SPMAP2: variants seen among roughly 807,000 people sequenced by gnomAD.
SPMAP2 encodes the protein Theg homolog.
chr19:370,969 T>C, the SPMAP2 span, among the ~76,000 whole-genome samples: 8 of 152,138 alleles, frequency 5.3e-5, no homozygotes, highest in African/African-American at 1.9e-4. Context: ...CTGTTCTAAT[T>C]CCTGAGTGTG....
At chr19:371,001 C>A in the SPMAP2 span, among the ~76,000 whole-genome samples, 5,596 of 152,286 alleles carry the variant, frequency 0.037, 166 homozygotes, top group Admixed American at 0.074. Flanking sequence ...TTGGGATCCA[C>A]CCGGACTGAA....
the SPMAP2 span, among the ~76,000 whole-genome samples, chr19:375,304 TC>T: frequency 7.3e-5 from 11 of 151,506 alleles, no homozygotes; most frequent in African/African-American, 2.4e-4. Flanking sequence ...GCTTTTTTTT[TC>T]CCATTTCTTA....
At chr19:373,589 A>C in the SPMAP2 span, 1 of 1,564,592 alleles carries the variant, frequency 6.4e-7, no homozygotes. Context: ...CCTGCCCGGA[A>C]ACAAGCCTGG....
At chr19:375,798 T>G in the SPMAP2 span, 1 of 1,610,200 alleles carries the variant, frequency 6.2e-7, no homozygotes, top group Non-Finnish European at 8.5e-7. Context: ...TTCTGGGTCT[T>G]CTGGTCCCAG....
the SPMAP2 span, among the ~76,000 whole-genome samples, chr19:369,676 G>A: frequency 6.6e-6 from 1 of 152,176 alleles, no homozygotes; most frequent in Non-Finnish European, 1.5e-5. Flanking sequence ...TGGTGCAGGC[G>A]GGCTGAGTCC....
the SPMAP2 span, chr19:367,209 T>C: frequency 6.3e-7 from 1 of 1,599,094 alleles, no homozygotes; most frequent in Non-Finnish European, 8.5e-7. Flanking sequence ...TGGGCTGCCC[T>C]GGATACCTGG....
chr19:373,546 C>T, the SPMAP2 span: 116 of 1,612,028 alleles, frequency 7.2e-5, no homozygotes, highest in African/African-American at 6.4e-4. Flanking sequence ...AATAAGCGGA[C>T]GGCTCAGGGC....
chr19:373,450 C>G, the SPMAP2 span: 4 of 1,612,306 alleles, frequency 2.5e-6, no homozygotes, highest in Non-Finnish European at 3.4e-6. Flanking sequence ...GGGGTCTCAG[C>G]AGGCACGGGC....
the SPMAP2 span, chr19:367,070 A>G: frequency 2.5e-6 from 4 of 1,613,002 alleles, no homozygotes; most frequent in Non-Finnish European, 3.4e-6. Flanking sequence ...CTTACTGGCC[A>G]AGTGAAGGAG....
the SPMAP2 span, among the ~76,000 whole-genome samples, chr19:372,036 T>A: frequency 1.3e-5 from 2 of 152,346 alleles, no homozygotes; most frequent in East Asian, 1.9e-4. Context: ...GGTCACAGTA[T>A]GATTTGGCGT....
the SPMAP2 span, among the ~76,000 whole-genome samples, chr19:375,139 G>A: frequency 1.3e-4 from 20 of 152,156 alleles, no homozygotes; most frequent in Admixed American, 2.6e-4. Context: ...TAGAGTGCGC[G>A]CCTTGCTGGG....
chr19:370,574 T>C, the SPMAP2 span, among the ~76,000 whole-genome samples: 1 of 151,318 alleles, frequency 6.6e-6, no homozygotes, highest in Non-Finnish European at 1.5e-5. Context: ...ATGGTCTCGA[T>C]CTGCTGACCT....
At chr19:373,408 G>T in the SPMAP2 span, 1 of 1,532,424 alleles carries the variant, frequency 6.5e-7, no homozygotes, top group Non-Finnish European at 9.0e-7. Context: ...ATGGGGCGGG[G>T]CAGGTTCCCT....
chr19:374,425 T>C, the SPMAP2 span: 2 of 1,614,024 alleles, frequency 1.2e-6, no homozygotes, highest in Non-Finnish European at 1.7e-6. Context: ...CAGCCGGCTT[T>C]GGGAGAATTC....
the SPMAP2 span, among the ~76,000 whole-genome samples, chr19:368,546 G>A: frequency 2.0e-5 from 3 of 152,244 alleles, no homozygotes; most frequent in African/African-American, 4.8e-5. The surrounding 1 kb of genome is among the most constrained non-coding windows in gnomAD (Gnocchi z 4.1). Flanking sequence ...GGAGGTGGCC[G>A]ACCCACGCCT....
chr19:367,184 C>T, the SPMAP2 span: 2 of 1,607,806 alleles, frequency 1.2e-6, no homozygotes, highest in Non-Finnish European at 1.7e-6. Context: ...GATCCGCGAG[C>T]TGGGGACTGC....
At chr19:371,776 C>T in the SPMAP2 span, among the ~76,000 whole-genome samples, 168 of 152,304 alleles carry the variant, frequency 1.1e-3, 2 homozygotes, top group South Asian at 1.9e-3. Flanking sequence ...CAGCTGAGCT[C>T]CCGGGGCTGT....
chr19:375,883 G>C, the SPMAP2 span: 1 of 1,563,312 alleles, frequency 6.4e-7, no homozygotes, highest in Non-Finnish European at 8.7e-7. Flanking sequence ...TGGAGGCCAC[G>C]GGGGTCGCCG....
the SPMAP2 span, among the ~76,000 whole-genome samples, chr19:366,834 G>A: frequency 1.1e-4 from 16 of 152,150 alleles, no homozygotes; most frequent in South Asian, 6.2e-4. Flanking sequence ...GTTCCTTAGC[G>A]TGGTTCTCTG....
Sources: gnomAD v4.1 joint callset for allele counts (sites outside exome capture counted in the v4.1 genomes callset) on GRCh38, gnomAD v4.1.1 for gene constraint, Gnocchi (gnomAD v3.1) non-coding constraint, MANE v1.5 for transcripts, NCBI Gene and HGNC (gene_info 2026-07-23, HGNC 2026-07-21) for gene names.